RPS6KA5: variants seen among roughly 807,000 people sequenced by gnomAD.
The protein encoded by RPS6KA5 is ribosomal protein S6 kinase alpha-5.
RPS6KA5 carries 27 observed loss-of-function variants against 85.5 expected under a neutral mutation model. The ratio of observed to expected loss-of-function variants is 0.32; its 90% confidence interval spans 0.23 to 0.44. RPS6KA5 has a LOEUF of 0.44. RPS6KA5 is among the 20% of genes least tolerant of loss of function. The probability of loss-of-function intolerance (pLI) is 1.00; values close to 1 mark genes in which losing one functional copy is unlikely to be tolerated. For synonymous variants in RPS6KA5, 334 were observed against 348.2 expected (o/e 0.96, Z 0.46); for missense variants, 811 against 980.9 (o/e 0.83, Z 2.31).
At chr14:90,915,917 C>T (rs967325221) in intron 7 of RPS6KA5, among the ~76,000 whole-genome samples, 4 of 151,806 alleles carry the variant, frequency 2.6e-5, no homozygotes, top group Non-Finnish European at 4.4e-5. Flanking sequence ...AACAGACTCA[C>T]AGAAAAGCTA....
At chr14:91,032,621 C>T (rs2042229143) in intron 1 of RPS6KA5, among the ~76,000 whole-genome samples, 1 of 152,140 alleles carries the variant, frequency 6.6e-6, no homozygotes, top group Non-Finnish European at 1.5e-5. Context: ...TCAGAGATAG[C>T]TTCATGCTTG....
At chr14:91,024,074 AT>A (rs1168296254) in intron 1 of RPS6KA5, among the ~76,000 whole-genome samples, 1 of 151,890 alleles carries the variant, frequency 6.6e-6, no homozygotes, top group Non-Finnish European at 1.5e-5. Flanking sequence ...TTTCTCTGAC[AT>A]TTTTTCTTTC....
intron 7 of RPS6KA5, among the ~76,000 whole-genome samples, chr14:90,912,904 CTT>C (rs57029403): frequency 6.0e-4 from 32 of 53,296 alleles, no homozygotes; most frequent in African/African-American, 2.3e-3. Flanking sequence ...CATAAAGCAT[CTT>C]TTTTTTTTTT....
At chr14:90,988,099 G>A (rs749871915) in intron 2 of RPS6KA5, among the ~76,000 whole-genome samples, 23 of 152,168 alleles carry the variant, frequency 1.5e-4, no homozygotes, top group Non-Finnish European at 3.4e-4. Flanking sequence ...ATTGAGAAGC[G>A]ACATAATCAA....
intron 1 of RPS6KA5, among the ~76,000 whole-genome samples, chr14:91,045,310 G>A (rs757881279): frequency 1.1e-4 from 16 of 150,320 alleles, no homozygotes; most frequent in Non-Finnish European, 1.0e-4. Context: ...ACCCAGGCTG[G>A]AGTGCAATCA....
At chr14:91,044,286 A>T (rs2042725096) in intron 1 of RPS6KA5, among the ~76,000 whole-genome samples, 1 of 129,838 alleles carries the variant, frequency 7.7e-6, no homozygotes, top group Admixed American at 7.6e-5. Flanking sequence ...AGAAAGAGAG[A>T]GAGAGAGAAA....
chr14:91,019,721 G>T (rs1414155453), intron 1 of RPS6KA5, among the ~76,000 whole-genome samples: 1 of 152,176 alleles, frequency 6.6e-6, no homozygotes, highest in East Asian at 1.9e-4. Context: ...GGCAGTAGCG[G>T]TAAGCCATAG....
chr14:90,976,911 T>A (rs923585936), intron 3 of RPS6KA5, among the ~76,000 whole-genome samples: 2 of 152,082 alleles, frequency 1.3e-5, no homozygotes, highest in African/African-American at 4.8e-5. Flanking sequence ...AAGCACTCAA[T>A]AAAATGGCCA....
rs975435501 is a variant in RPS6KA5, at chr14:90,854,314, T to C, written c.*17760A>G. On this transcript the variant is annotated 3_prime_UTR_variant, in exon 17 of 17. Coordinates refer to ENST00000614987, the MANE Select transcript of RPS6KA5 (RefSeq NM_004755.4). ...AGAACAAAACTTACTGTAGCCATTATAATCTGCTAACGTTTGAAAAACTTA... is the reference window on the plus strand; with the variant it reads ...AGAACAAAACTTACTGTAGCCATTACAATCTGCTAACGTTTGAAAAACTTA... 1.3e-5 allele frequency: 2 copies of C among 152,218 alleles called. No individual in the cohort carries two copies. Among genetic ancestry groups the C allele is most frequent in the Admixed American group, 1.3e-4 (2 of 15,288 alleles). 9.4% of individuals were successfully genotyped at this position (152,218 alleles called of 1,614,324 possible). A position where few individuals can be genotyped will look rare whatever the true frequency, so the allele number is the denominator to read the frequency against.
At chr14:90,958,923 G>T (rs2038659134) in intron 3 of RPS6KA5, among the ~76,000 whole-genome samples, 1 of 152,072 alleles carries the variant, frequency 6.6e-6, no homozygotes, top group South Asian at 2.1e-4. Flanking sequence ...GTTAGTATAG[G>T]CCTCAGCGAG....
In RPS6KA5 at chr14:90,948,695, A is replaced by G. The variant is rs906150712; in HGVS notation, c.395-1145T>C. ...GGGCGAAAGAGTGAGACTCTGTCTC[A>G]AAAAAAAAAACAAAAAAACCCCAAA... is the stretch of plus-strand genomic sequence containing the variant. On this transcript the variant is annotated intron_variant, in intron 3 of 16. Coordinates refer to ENST00000614987, the MANE Select transcript of RPS6KA5 (RefSeq NM_004755.4). Among the ~76,000 whole-genome samples, 4 of 143,438 alleles carry G rather than the reference A, an allele frequency of 2.8e-5. No individual in the cohort carries two copies. The East Asian group carries it at 7.9e-4, about 28-fold the overall frequency. 94.1% of individuals were successfully genotyped at this position (143,438 alleles called of 152,430 possible).
intron 1 of RPS6KA5, among the ~76,000 whole-genome samples, chr14:91,011,043 C>T (rs897369537): frequency 1.3e-5 from 2 of 152,196 alleles, no homozygotes; most frequent in South Asian, 2.1e-4. Flanking sequence ...TGGCCAAAAA[C>T]ACACCTCAGA....
chr14:90,886,332 C>T (rs1393484158), intron 14 of RPS6KA5, among the ~76,000 whole-genome samples: 1 of 152,162 alleles, frequency 6.6e-6, no homozygotes, highest in African/African-American at 2.4e-5. Context: ...TTTTATAACA[C>T]TTCACAGGTA....
intron 3 of RPS6KA5, among the ~76,000 whole-genome samples, chr14:90,952,584 A>T (rs2038258730): frequency 6.6e-6 from 1 of 152,276 alleles, no homozygotes; most frequent in Non-Finnish European, 1.5e-5. Context: ...CAAATGTGGA[A>T]TTCTCAACAA....
At chr14:90,962,521 A>G (rs2038858248) in intron 3 of RPS6KA5, among the ~76,000 whole-genome samples, 2 of 152,084 alleles carry the variant, frequency 1.3e-5, no homozygotes, top group African/African-American at 4.8e-5. Flanking sequence ...TCCTGACTTC[A>G]GGTGATCTGC....
intron 4 of RPS6KA5, among the ~76,000 whole-genome samples, chr14:90,945,404 T>G (rs879561642): frequency 4.6e-5 from 7 of 152,240 alleles, no homozygotes; most frequent in African/African-American, 7.2e-5. Context: ...GGAGATGCTT[T>G]TTCCTAAAAA....
chr14:90,876,920 G>A (rs1421537716), intron 14 of RPS6KA5, among the ~76,000 whole-genome samples: 1 of 152,142 alleles, frequency 6.6e-6, no homozygotes, highest in Non-Finnish European at 1.5e-5. Context: ...TCCTCACTAT[G>A]GCAAGATGGT....
At chr14:91,008,188 T>C (rs1341679271) in intron 1 of RPS6KA5, among the ~76,000 whole-genome samples, 1 of 152,236 alleles carries the variant, frequency 6.6e-6, no homozygotes, top group African/African-American at 2.4e-5. Context: ...CTGAAATCAT[T>C]TGATTAGATC....
intron 14 of RPS6KA5, among the ~76,000 whole-genome samples, chr14:90,878,062 C>T (rs1299255652): frequency 6.6e-6 from 1 of 152,202 alleles, no homozygotes; most frequent in African/African-American, 2.4e-5. Context: ...TACACAGCCA[C>T]TGAACTGGTG....
Sources: gnomAD v4.1 joint callset for allele counts (sites outside exome capture counted in the v4.1 genomes callset) on GRCh38, gnomAD v4.1.1 for gene constraint, MANE v1.5 for transcripts, NCBI Gene and HGNC (gene_info 2026-07-23, HGNC 2026-07-21) for gene names.